Variants in NSG2 observed in about 807,000 individuals in gnomAD.
The protein encoded by NSG2 is neuronal vesicle trafficking associated 2.
NSG2 carries 4 observed loss-of-function variants against 16.9 expected under a neutral mutation model. The ratio of observed to expected loss-of-function variants is 0.24; its 90% confidence interval spans 0.12 to 0.54. NSG2 has a LOEUF of 0.54. Ranked by LOEUF, NSG2 falls within the 20% of genes least tolerant of loss-of-function variation. The pLI, the probability that NSG2 is intolerant of heterozygous loss-of-function variation, is 0.95. For synonymous variants in NSG2, 98 were observed against 88.7 expected (o/e 1.11, Z -0.59); for missense variants, 179 against 221.1 (o/e 0.81, Z 1.21).
chr5:174,068,398 A>G (rs1480958215), intron 3 of NSG2, among the ~76,000 whole-genome samples: 2 of 152,224 alleles, frequency 1.3e-5, no homozygotes, highest in Non-Finnish European at 2.9e-5. Context: ...GTTATGTGAG[A>G]AAATGGGAAA....
Position 174,107,692 on chromosome 5 carries a change from T to C in NSG2, c.*187T>C, listed in dbSNP as rs1282784225. The stretch of plus-strand genomic sequence containing the variant: ...GGAGTTGTCTGAACCGATATTTCTT[T>C]TTGTTCCTTGGTATTGTTGATTCGT... On this transcript the variant is annotated 3_prime_UTR_variant, in exon 5 of 5. Coordinates refer to ENST00000303177, the MANE Select transcript of NSG2 (RefSeq NM_015980.5). The surrounding 1 kb of genome is among the most constrained non-coding windows in gnomAD (Gnocchi z 4.5). 6.9e-6 allele frequency: 5 copies of C among 719,630 alleles called. No individual in the cohort carries two copies. The East Asian group carries it at 1.3e-4, about 19-fold the overall frequency. The allele number at this position is 719,630 out of a possible 1,614,324, so 44.6% of individuals were successfully genotyped here.
At chr5:174,087,970 C>G (rs1760659932) in intron 3 of NSG2, among the ~76,000 whole-genome samples, 1 of 152,062 alleles carries the variant, frequency 6.6e-6, no homozygotes, top group African/African-American at 2.4e-5. Flanking sequence ...CTAATTCTGT[C>G]TAATTGAGGG....
chr5:174,048,050 G>T (rs1759829217), intron 2 of NSG2, among the ~76,000 whole-genome samples: 1 of 152,198 alleles, frequency 6.6e-6, no homozygotes, highest in African/African-American at 2.4e-5. Context: ...TTTTGAAAGT[G>T]CAGAGATTGT....
intron 3 of NSG2, 107 bp from the exon 4 acceptor site, chr5:174,104,121 C>A: frequency 1.3e-6 from 1 of 767,156 alleles, no homozygotes; most frequent in Non-Finnish European, 2.3e-6. Flanking sequence ...GCCTGTCCCC[C>A]TTTCTAGCAC....
chr5:174,064,841 G>C (rs1338945412), intron 3 of NSG2, among the ~76,000 whole-genome samples: 2 of 152,192 alleles, frequency 1.3e-5, no homozygotes, highest in Non-Finnish European at 2.9e-5. Context: ...CATTCTCTGT[G>C]AGGGTGAAAG....
At chr5:174,056,085 C>T (rs1161103097) in intron 2 of NSG2, 1 of 152,218 alleles carries the variant, frequency 6.6e-6, no homozygotes, top group East Asian at 1.9e-4. Flanking sequence ...TTTATTTGTT[C>T]ACTGATTCAT....
intron 3 of NSG2, among the ~76,000 whole-genome samples, chr5:174,079,688 A>G (rs1454188406): frequency 6.6e-6 from 1 of 151,762 alleles, no homozygotes; most frequent in Non-Finnish European, 1.5e-5. Context: ...TTGTGTTGCT[A>G]CCTCCCAAAG....
At chr5:174,054,917 T>C (rs1394609863) in intron 2 of NSG2, among the ~76,000 whole-genome samples, 52 of 152,366 alleles carry the variant, frequency 3.4e-4, no homozygotes. Flanking sequence ...ATGACACTAG[T>C]ATCTTTCTCT....
At chr5:174,093,195 C>T (rs1003950402) in intron 3 of NSG2, among the ~76,000 whole-genome samples, 5 of 152,154 alleles carry the variant, frequency 3.3e-5, no homozygotes, top group Non-Finnish European at 5.9e-5. Flanking sequence ...ACACTGATAG[C>T]ACCTACTTCA....
At chr5:174,079,254 TCTCTCTCTC>T (rs1407856652) in intron 3 of NSG2, among the ~76,000 whole-genome samples, 5 of 148,498 alleles carry the variant, frequency 3.4e-5, no homozygotes, top group African/African-American at 1.3e-4. Context: ...TCTTTCTCTC[TCTCTCTCTC>T]TTTTTTTTTT....
intron 2 of NSG2, among the ~76,000 whole-genome samples, chr5:174,060,602 G>C (rs962663321): frequency 6.6e-6 from 1 of 151,722 alleles, no homozygotes; most frequent in South Asian, 2.1e-4. Context: ...CACAGTTTTC[G>C]TAGGTCAGAA....
chr5:174,090,088 T>C (rs1482771254), intron 3 of NSG2, among the ~76,000 whole-genome samples: 1 of 152,122 alleles, frequency 6.6e-6, no homozygotes, highest in Admixed American at 6.6e-5. Flanking sequence ...GCCTTCACAT[T>C]GGGCACAGGG....
At chr5:174,097,101 C>T (rs1269862057) in intron 3 of NSG2, among the ~76,000 whole-genome samples, 2 of 152,092 alleles carry the variant, frequency 1.3e-5, no homozygotes, top group African/African-American at 4.8e-5. Context: ...GTTACGACTC[C>T]TGCCACTGTG....
intron 3 of NSG2, among the ~76,000 whole-genome samples, chr5:174,068,827 A>G (rs28571655): frequency 1.6e-4 from 18 of 110,126 alleles, no homozygotes; most frequent in Non-Finnish European, 2.8e-4. Flanking sequence ...TGCTGGTGTC[A>G]TGGGAATCCT....
chr5:174,105,460 A>T (rs1760962745), intron 4 of NSG2, among the ~76,000 whole-genome samples: 1 of 152,232 alleles, frequency 6.6e-6, no homozygotes, highest in Non-Finnish European at 1.5e-5. Context: ...ACGTTCACGT[A>T]ATGATGTATT....
Position 174,081,882 on chromosome 5 carries a change from C to G in NSG2, c.213+17567C>G, listed in dbSNP as rs112986602. Among the ~76,000 whole-genome samples the G allele has an allele frequency of 2.6e-5, 3 of 116,836 alleles. No homozygotes were observed. In the South Asian group the frequency reaches 8.4e-4, roughly 33 times the overall value. 76.6% of individuals were successfully genotyped at this position (116,836 alleles called of 152,430 possible). On this transcript the variant is annotated intron_variant, in intron 3 of 4. Transcript: ENST00000303177. ...TCCAGCCTGAGCAGCAGTGAGACTC[C>G]GACTCAAAAAAAAAAAAAAAAAAAA...
chr5:174,105,447 A>T (rs1760962463), intron 4 of NSG2, among the ~76,000 whole-genome samples: 1 of 152,190 alleles, frequency 6.6e-6, no homozygotes, highest in African/African-American at 2.4e-5. Context: ...TTGGCTCCTA[A>T]CAACGTTCAC....
chr5:174,097,861 GTGTA>G (rs980356352), intron 3 of NSG2, among the ~76,000 whole-genome samples: 9 of 150,860 alleles, frequency 6.0e-5, no homozygotes, highest in African/African-American at 2.2e-4. Flanking sequence ...GTGTGTGTGT[GTGTA>G]TGAGTGTCTG....
intron 3 of NSG2, among the ~76,000 whole-genome samples, chr5:174,083,689 A>G (rs1473895745): frequency 6.6e-6 from 1 of 152,204 alleles, no homozygotes; most frequent in African/African-American, 2.4e-5. Context: ...CAATGACTTT[A>G]TAGTTAAACA....
Sources: gnomAD v4.1 joint callset for allele counts (sites outside exome capture counted in the v4.1 genomes callset) on GRCh38, gnomAD v4.1.1 for gene constraint, Gnocchi (gnomAD v3.1) non-coding constraint, MANE v1.5 for transcripts, NCBI Gene and HGNC (gene_info 2026-07-23, HGNC 2026-07-21) for gene names.